TBC1D30: variants seen among roughly 807,000 people sequenced by gnomAD.
TBC1D30 encodes TBC1 domain family member 30, also known as TBC1 domain family, member 30.
TBC1D30 carries 31 observed loss-of-function variants against 63.2 expected under a neutral mutation model. That is an observed-to-expected ratio of 0.49 (90% CI 0.37 to 0.66). The LOEUF (loss-of-function observed/expected upper bound fraction) is 0.66. TBC1D30 is among the 30% of genes least tolerant of loss of function. The probability of loss-of-function intolerance (pLI) is 0.00; values close to 1 mark genes in which losing one functional copy is unlikely to be tolerated. For synonymous variants in TBC1D30, 307 were observed against 361.5 expected (o/e 0.85, Z 1.71); for missense variants, 810 against 953.6 (o/e 0.85, Z 1.98).
At chr12:64,836,419 T>G in intron 5 of TBC1D30, 71 bp from the exon 6 acceptor site, 1 of 1,255,386 alleles carries the variant, frequency 8.0e-7, no homozygotes, top group Non-Finnish European at 1.1e-6. Context: ...TGAATACTTA[T>G]TTTCTCTTTA....
intron 6 of TBC1D30, 52 bp downstream of exon 6, chr12:64,836,710 A>G: frequency 6.8e-7 from 1 of 1,471,636 alleles, no homozygotes; most frequent in Non-Finnish European, 9.1e-7. Context: ...CTCTGATTCC[A>G]CTGTACAAAT....
At chr12:64,845,438 T>A (rs1329652475) in intron 8 of TBC1D30, among the ~76,000 whole-genome samples, 1 of 152,134 alleles carries the variant, frequency 6.6e-6, no homozygotes, top group Non-Finnish European at 1.5e-5. Context: ...CAACAATTGC[T>A]CCTGGGGGCT....
chr12:64,819,406 CTTT>C (rs55757950), intron 2 of TBC1D30, among the ~76,000 whole-genome samples: 54 of 78,014 alleles, frequency 6.9e-4, no homozygotes, highest in African/African-American at 2.5e-3. Context: ...GAAGGAACTA[CTTT>C]TTTTTTTTTT....
rs1379826243 is a variant in TBC1D30, at chr12:64,880,789, GTTGTT to G, written c.*5004_*5008del. On this transcript the variant is annotated 3_prime_UTR_variant, in exon 12 of 12. Transcript: ENST00000539867. ...TGCCCCAGGGGCTTCAAGAGTTGTT[GTTGTT>G]TTAACATTAAAAAACCAGAAAGTTC... 1.3e-5 allele frequency: 2 copies of G among 152,128 alleles called. No individual in the cohort carries two copies. The highest frequency in any genetic ancestry group is 4.8e-5 in the African/African-American group (2 of 41,420). 9.4% of individuals were successfully genotyped at this position (152,128 alleles called of 1,614,324 possible).
At chr12:64,783,557 TG>T (rs1226272795) in intron 1 of TBC1D30, among the ~76,000 whole-genome samples, 1 of 152,106 alleles carries the variant, frequency 6.6e-6, no homozygotes, top group Non-Finnish European at 1.5e-5. Context: ...TAAGAGGCTA[TG>T]GCCGATGTCA....
chr12:64,827,812 C>T, intron 1 of TBC1D30, 23 bp from the exon 2 acceptor site: 1 of 1,473,486 alleles, frequency 6.8e-7, no homozygotes, highest in Non-Finnish European at 9.1e-7. Context: ...AAAATAACAT[C>T]TATTTATGTA....
intron 9 of TBC1D30, among the ~76,000 whole-genome samples, 173 bp downstream of exon 9, chr12:64,864,953 G>A (rs917542246): frequency 6.6e-6 from 1 of 152,184 alleles, no homozygotes; most frequent in East Asian, 1.9e-4. Flanking sequence ...ATTTTTAAAA[G>A]TGTACTTTGC....
chr12:64,772,430 C>T (rs1030540006), intron 1 of TBC1D30, among the ~76,000 whole-genome samples: 10 of 151,682 alleles, frequency 6.6e-5, no homozygotes, highest in African/African-American at 1.9e-4. Flanking sequence ...CACATCACTT[C>T]CTTTATTTAT....
intron 1 of TBC1D30, among the ~76,000 whole-genome samples, chr12:64,770,810 TC>T (rs1490815271): frequency 6.6e-6 from 1 of 151,172 alleles, no homozygotes; most frequent in African/African-American, 2.4e-5. Flanking sequence ...CTCAAGCGAC[TC>T]CCCTTCCTCA....
chr12:64,800,917 C>A (rs1289963272), intron 2 of TBC1D30, among the ~76,000 whole-genome samples: 1 of 152,062 alleles, frequency 6.6e-6, no homozygotes, highest in Non-Finnish European at 1.5e-5. Context: ...GGGACAGAAG[C>A]CACATTACAC....
intron 2 of TBC1D30, among the ~76,000 whole-genome samples, chr12:64,798,386 A>C (rs1872401514): frequency 1.3e-5 from 2 of 152,250 alleles, no homozygotes; most frequent in South Asian, 4.1e-4. Context: ...ATCAGCTAAC[A>C]AATGGTGGTT....
chr12:64,804,538 G>T (rs1592567130), intron 2 of TBC1D30, among the ~76,000 whole-genome samples: 1 of 152,288 alleles, frequency 6.6e-6, no homozygotes, highest in African/African-American at 2.4e-5. Flanking sequence ...GAATAGGAGT[G>T]GTGAGAGAGG....
intron 8 of TBC1D30, among the ~76,000 whole-genome samples, chr12:64,847,944 G>T (rs1876533652): frequency 6.7e-6 from 1 of 149,770 alleles, no homozygotes. Flanking sequence ...TGTTGATTTT[G>T]TGTCTGGGTG....
chr12:64,769,350 C>T (rs1021863941), intron 1 of TBC1D30, among the ~76,000 whole-genome samples: 2 of 151,454 alleles, frequency 1.3e-5, no homozygotes, highest in South Asian at 2.1e-4. Flanking sequence ...GGATTACAGG[C>T]GTGCACCACC....
In TBC1D30 at chr12:64,769,682, G is replaced by A. The variant is rs138652253; in HGVS notation, c.-376+10033G>A. ...ATTACAGGTGTGAGCCACCGCACCTGGCCTAATTTTTGTATTTTTAGTAAA... is the reference window on the plus strand; with the variant it reads ...ATTACAGGTGTGAGCCACCGCACCTAGCCTAATTTTTGTATTTTTAGTAAA... On this transcript the variant is annotated intron_variant, in intron 1 of 13. Transcript: ENST00000674237. Among the ~76,000 whole-genome samples the A allele has an allele frequency of 8.0e-3, 1,208 of 151,364 alleles. 21 individuals are homozygous for A. Among genetic ancestry groups the A allele is most frequent in the African/African-American group, 0.028 (1,151 of 41,158 alleles).
chr12:64,798,043 A>G (rs951436985), intron 2 of TBC1D30, among the ~76,000 whole-genome samples: 1 of 152,206 alleles, frequency 6.6e-6, no homozygotes, highest in Non-Finnish European at 1.5e-5. Flanking sequence ...GGACAATAGT[A>G]TTGGCCCTAC....
chr12:64,816,085 C>T (rs1244942621), intron 2 of TBC1D30, among the ~76,000 whole-genome samples: 2 of 149,538 alleles, frequency 1.3e-5, no homozygotes, highest in Non-Finnish European at 3.0e-5. Context: ...CAGGCTGGAG[C>T]GCAGTGGTGC....
In TBC1D30 at chr12:64,830,417, C is replaced by T. The variant is rs1874745853; in HGVS notation, c.323C>T (p.Ala108Val). The T allele has an allele frequency of 1.3e-6, 2 of 1,535,148 alleles. No individual in the cohort carries two copies. Among genetic ancestry groups the T allele is most frequent in the African/African-American group, 1.4e-5 (1 of 73,010 alleles). The stretch of plus-strand genomic sequence containing the variant: ...GCAGATCATTATTTGCACAGTATAG[C>T]CATTGACTGGGACAAAACCATGCGC... ...TLADHYLHSI[A>V]IDWDKTMRFT... is the part of the protein sequence containing the mutation. The change falls in exon 4 of 12, where the codon GCC becomes GTC. Residue 108 changes from alanine to valine, a missense_variant. Physicochemically the swap from Ala to Val is moderately conservative, Grantham distance 64. This residue lies in a region of TBC1D30 where 272 missense variants were observed against 335.9 expected (regional missense o/e 0.81). Coordinates refer to ENST00000539867, the MANE Select transcript of TBC1D30 (RefSeq NM_015279.2).
intron 5 of TBC1D30, among the ~76,000 whole-genome samples, chr12:64,834,035 T>C (rs1414881291): frequency 6.6e-6 from 1 of 152,074 alleles, no homozygotes; most frequent in Non-Finnish European, 1.5e-5. Flanking sequence ...AACTGGAAAT[T>C]AAAAACTCAC....
Sources: allele counts gnomAD v4.1 joint callset (sites outside exome capture counted in the v4.1 genomes callset), GRCh38; gene constraint gnomAD v4.1.1; regional missense constraint gnomAD v4.1.1; transcripts MANE v1.5; gene names NCBI Gene and HGNC (gene_info 2026-07-23, HGNC 2026-07-21).